PRKCQ: variants seen among roughly 807,000 people sequenced by gnomAD.
The protein encoded by PRKCQ is protein kinase C theta type.
PRKCQ carries 41 observed loss-of-function variants against 91.2 expected under a neutral mutation model. The observed-to-expected ratio is 0.45, with a 90% CI of 0.35 to 0.58. PRKCQ has a LOEUF of 0.58. Ranked by LOEUF, PRKCQ falls within the 20% of genes least tolerant of loss-of-function variation. The pLI, the probability that PRKCQ is intolerant of heterozygous loss-of-function variation, is 0.00. For synonymous variants in PRKCQ, 307 were observed against 316.9 expected (o/e 0.97, Z 0.33); for missense variants, 673 against 896.5 (o/e 0.75, Z 3.18).
At chr10:6,452,768 A>G (rs1090705) in intron 15 of PRKCQ, among the ~76,000 whole-genome samples, 45,064 of 147,424 alleles carry the variant, frequency 0.31, 5,590 homozygotes, top group East Asian at 0.4. Context: ...AAATAATGCC[A>G]CTTATCTACA....
At position 6,439,275 on chromosome 10, in the gene PRKCQ, G is replaced by A. The variant is rs181383768; in HGVS notation, c.1836+2618C>T. 7.2e-5 allele frequency among the ~76,000 whole-genome samples: 11 copies of A among 152,282 alleles called. No homozygotes were observed. In the South Asian group the frequency reaches 1.2e-3, roughly 17 times the overall value. Reference sequence around the variant, plus strand: ...TACCACGGATAGGGCGCTGAATTCCGTTTTGATGGTGAATTCTGGAGATTG... The same window carrying A: ...TACCACGGATAGGGCGCTGAATTCCATTTTGATGGTGAATTCTGGAGATTG... On this transcript the variant is annotated intron_variant, in intron 16 of 17. Coordinates refer to ENST00000263125, the MANE Select transcript of PRKCQ (RefSeq NM_006257.5).
chr10:6,478,422 AG>A (rs1305630901), intron 12 of PRKCQ, among the ~76,000 whole-genome samples: 2 of 152,184 alleles, frequency 1.3e-5, no homozygotes, highest in Non-Finnish European at 2.9e-5. Context: ...TTAAGGAAAA[AG>A]GAGACCAGGA....
chr10:6,511,622 G>T (rs1447775807), intron 2 of PRKCQ, among the ~76,000 whole-genome samples: 3 of 152,194 alleles, frequency 2.0e-5, no homozygotes, highest in African/African-American at 7.2e-5. Flanking sequence ...TAAAACTAGG[G>T]ATTTATATAG....
chr10:6,562,154 G>C (rs569852733), intron 1 of PRKCQ, among the ~76,000 whole-genome samples: 10 of 152,208 alleles, frequency 6.6e-5, no homozygotes, highest in South Asian at 2.1e-4. Flanking sequence ...AAGGAAGAAC[G>C]AAGGAGAAGC....
chr10:6,513,114 G>T (rs551486528), intron 2 of PRKCQ, among the ~76,000 whole-genome samples: 6 of 152,202 alleles, frequency 3.9e-5, no homozygotes, highest in Admixed American at 2.6e-4. Context: ...CTAAACAGAG[G>T]GCCCTATCTA....
chr10:6,480,167 C>G (rs569712105), intron 11 of PRKCQ, among the ~76,000 whole-genome samples: 2 of 152,206 alleles, frequency 1.3e-5, no homozygotes, highest in African/African-American at 4.8e-5. Context: ...CAAAGGACAC[C>G]AAAATGGGAA....
In PRKCQ at chr10:6,490,119, A is replaced by C. The variant is rs371827884; in HGVS notation, c.790+1564T>G. ...GTCTTCTTGAACAGGGGTGTAGAGA[A>C]AAGCGTGTCAGTGTCCTTTGGGGCC... On this transcript the variant is annotated intron_variant, in intron 8 of 17. Transcript: ENST00000263125. Among the ~76,000 whole-genome samples the C allele has an allele frequency of 9.5e-3, 1,442 of 152,164 alleles. 22 individuals carry two copies. The highest frequency in any genetic ancestry group is 0.034 in the African/African-American group (1,391 of 41,484).
chr10:6,453,080 A>C (rs1157675718), intron 15 of PRKCQ, among the ~76,000 whole-genome samples: 3 of 151,876 alleles, frequency 2.0e-5, no homozygotes, highest in South Asian at 4.2e-4. Flanking sequence ...AATGGGATCT[A>C]ATTCAACTAA....
intron 16 of PRKCQ, among the ~76,000 whole-genome samples, chr10:6,433,306 C>G (rs753004090): frequency 6.6e-5 from 10 of 152,218 alleles, no homozygotes; most frequent in Non-Finnish European, 1.0e-4. Context: ...ATCTTCGCTC[C>G]ACTGGAGAAT....
chr10:6,530,254 T>C (rs1328519472), intron 1 of PRKCQ, among the ~76,000 whole-genome samples: 1 of 152,188 alleles, frequency 6.6e-6, no homozygotes, highest in Admixed American at 6.5e-5. Flanking sequence ...CTGGTTCCCA[T>C]GAACTTGGCG....
intron 3 of PRKCQ, among the ~76,000 whole-genome samples, chr10:6,508,005 T>C (rs1838283099): frequency 2.0e-5 from 3 of 152,206 alleles, no homozygotes; most frequent in African/African-American, 4.8e-5. Context: ...GCTTTTCTCT[T>C]TCACAAAGAG....
In PRKCQ at chr10:6,497,432, TA is replaced by T. The variant is rs1274307351; in HGVS notation, c.543-182del. Among the ~76,000 whole-genome samples the T allele has an allele frequency of 2.0e-5, 3 of 152,220 alleles. No individual in the cohort carries two copies. The highest frequency in any genetic ancestry group is 2.9e-5 in the Non-Finnish European group (2 of 68,042). ...GTGTTTTTCATTTGAAGCTGCGTTT[TA>T]AAAAGTTTGATAATTAAATAAATGA... On this transcript the variant is annotated intron_variant, in intron 5 of 17. Transcript: ENST00000263125. The surrounding 1 kb of genome is among the most constrained non-coding windows in gnomAD (Gnocchi z 4.5).
intron 1 of PRKCQ, among the ~76,000 whole-genome samples, chr10:6,563,467 GC>G (rs979785077): frequency 5.3e-5 from 8 of 151,966 alleles, no homozygotes; most frequent in African/African-American, 1.9e-4. Flanking sequence ...TTCCCTATAA[GC>G]CCCTCACCAT....
chr10:6,435,060 G>A (rs868590217), intron 16 of PRKCQ, among the ~76,000 whole-genome samples: 1 of 152,046 alleles, frequency 6.6e-6, no homozygotes, highest in Non-Finnish European at 1.5e-5. Flanking sequence ...GACTACAGGC[G>A]CCCACCACCA....
chr10:6,459,769 G>A (rs1000932239), intron 14 of PRKCQ, among the ~76,000 whole-genome samples: 6 of 152,178 alleles, frequency 3.9e-5, no homozygotes, highest in African/African-American at 1.4e-4. Flanking sequence ...GTAAATCGAG[G>A]GCTTGGTGGG....
chr10:6,488,478 C>T (rs904721397), intron 8 of PRKCQ, among the ~76,000 whole-genome samples: 26 of 151,282 alleles, frequency 1.7e-4, no homozygotes, highest in African/African-American at 2.2e-4. Context: ...CTCGGCCTCC[C>T]GGATTCAAGA....
At chr10:6,420,666 A>G in the PRKCQ span, among the ~76,000 whole-genome samples, 2 of 152,302 alleles carry the variant, frequency 1.3e-5, no homozygotes, top group African/African-American at 4.8e-5. Context: ...TAGTTATAGA[A>G]TTGTATGTTC....
intron 1 of PRKCQ, among the ~76,000 whole-genome samples, chr10:6,575,624 G>C (rs1382620199): frequency 6.6e-6 from 1 of 152,216 alleles, no homozygotes; most frequent in East Asian, 1.9e-4. Flanking sequence ...AGCTGGGATA[G>C]GAAATAAACA....
chr10:6,452,277 C>G (rs1220089304), intron 15 of PRKCQ, among the ~76,000 whole-genome samples: 1 of 152,060 alleles, frequency 6.6e-6, no homozygotes, highest in African/African-American at 2.4e-5. Context: ...TCTTAGACAC[C>G]AATAACAGAC....
Sources: gnomAD v4.1 joint callset for allele counts (sites outside exome capture counted in the v4.1 genomes callset) on GRCh38, gnomAD v4.1.1 for gene constraint, Gnocchi (gnomAD v3.1) non-coding constraint, MANE v1.5 for transcripts, NCBI Gene and HGNC (gene_info 2026-07-23, HGNC 2026-07-21) for gene names.